Variants in FRMD6 observed in about 807,000 individuals in gnomAD.
FRMD6 encodes the protein FERM domain-containing protein 6.
A neutral mutation model predicts 73.2 loss-of-function variants in FRMD6; 37 were observed. The ratio of observed to expected loss-of-function variants is 0.51; its 90% CI spans 0.39 to 0.66. The LOEUF (loss-of-function observed/expected upper bound fraction) is 0.66. Among genes scored for constraint, FRMD6 ranks in the 30% least tolerant of loss-of-function variants. The pLI is 0.00. For missense variants in FRMD6, 714 were observed against 780.5 expected (o/e 0.91, Z 1.02); for synonymous variants, 273 against 282.2 (o/e 0.97, Z 0.33).
At chr14:51,449,887 G>A in the FRMD6 span, among the ~76,000 whole-genome samples, 2 of 152,200 alleles carry the variant, frequency 1.3e-5, no homozygotes, top group East Asian at 3.8e-4. Context: ...GATTTCCTCT[G>A]CCTAGAAATC....
At chr14:51,583,901 G>T (rs567142903) in intron 2 of FRMD6, among the ~76,000 whole-genome samples, 1 of 152,278 alleles carries the variant, frequency 6.6e-6, no homozygotes, top group African/African-American at 2.4e-5. Context: ...AGAAGCTGGG[G>T]TTTAGAAATG....
At chr14:51,711,662 GTCCTGCCA>G in intron 8 of FRMD6, 66 bp downstream of exon 8, 1 of 1,161,934 alleles carries the variant, frequency 8.6e-7, no homozygotes, top group Non-Finnish European at 1.3e-6. Flanking sequence ...TGCCTCTGTG[GTCCTGCCA>G]CAGGTTCAGT....
the FRMD6 span, among the ~76,000 whole-genome samples, chr14:51,455,606 G>A: frequency 1.3e-5 from 2 of 152,152 alleles, no homozygotes; most frequent in Non-Finnish European, 2.9e-5. Flanking sequence ...GTGATCTTGG[G>A]TGAGTCGCTT....
chr14:51,424,278 G>C, the FRMD6 span, among the ~76,000 whole-genome samples: 1 of 152,172 alleles, frequency 6.6e-6, no homozygotes, highest in Admixed American at 6.5e-5. Flanking sequence ...TTCATTGGAT[G>C]ACAGAACCTG....
At chr14:51,588,569 G>A (rs770874932) in intron 2 of FRMD6, among the ~76,000 whole-genome samples, 46 of 152,244 alleles carry the variant, frequency 3.0e-4, no homozygotes, top group Admixed American at 2.1e-3. Context: ...CCAAACAGGG[G>A]ACATGGTTCT....
At chr14:51,722,699 GCAGCAGT>G in intron 12 of FRMD6, among the ~76,000 whole-genome samples, 1 of 152,236 alleles carries the variant, frequency 6.6e-6, no homozygotes, top group East Asian at 1.9e-4. Flanking sequence ...TTAAAAAACG[GCAGCAGT>G]ATCAGTTTTG....
At chr14:51,714,506 A>G (rs1364484661) in intron 9 of FRMD6, 1 of 152,226 alleles carries the variant, frequency 6.6e-6, no homozygotes, top group East Asian at 1.9e-4. Context: ...TAGGAAAGTT[A>G]AAAGAGTTCA....
chr14:51,673,829 T>C (rs1157777367), intron 1 of FRMD6, among the ~76,000 whole-genome samples: 1 of 152,228 alleles, frequency 6.6e-6, no homozygotes, highest in Non-Finnish European at 1.5e-5. Flanking sequence ...AGTGGAAGTT[T>C]GTAGATTGTC....
chr14:51,405,049 C>T, the FRMD6 span, among the ~76,000 whole-genome samples: 15 of 152,246 alleles, frequency 9.9e-5, no homozygotes, highest in Admixed American at 7.8e-4. Context: ...TCCCTGCCTT[C>T]GTTTGCTAAG....
At chr14:51,596,537 G>A (rs1175394880) in intron 2 of FRMD6, among the ~76,000 whole-genome samples, 10 of 152,098 alleles carry the variant, frequency 6.6e-5, no homozygotes, top group Admixed American at 2.0e-4. Context: ...GTACTCCTTC[G>A]TAAGTTTACC....
At chr14:51,640,297 T>C (rs1197860376) in intron 2 of FRMD6, among the ~76,000 whole-genome samples, 1 of 152,260 alleles carries the variant, frequency 6.6e-6, no homozygotes, top group Non-Finnish European at 1.5e-5. Flanking sequence ...ATTTTGGGGC[T>C]TCAAATTAAA....
At chr14:51,416,328 G>A in the FRMD6 span, among the ~76,000 whole-genome samples, 1 of 152,176 alleles carries the variant, frequency 6.6e-6, no homozygotes, top group Non-Finnish European at 1.5e-5. Context: ...CTTTAAATGT[G>A]TACCAGAAAT....
At chr14:51,475,882 G>T in the FRMD6 span, among the ~76,000 whole-genome samples, 1 of 152,064 alleles carries the variant, frequency 6.6e-6, no homozygotes, top group Non-Finnish European at 1.5e-5. Flanking sequence ...GTCTACTAAC[G>T]TAATTGTCGA....
At chr14:51,613,250 C>G (rs1051334967) in intron 2 of FRMD6, among the ~76,000 whole-genome samples, 1 of 152,032 alleles carries the variant, frequency 6.6e-6, no homozygotes, top group African/African-American at 2.4e-5. Context: ...ATAATCTAGG[C>G]ATTGGTGACA....
intron 2 of FRMD6, among the ~76,000 whole-genome samples, chr14:51,604,379 T>G (rs986055645): frequency 1.3e-5 from 2 of 152,292 alleles, no homozygotes; most frequent in Admixed American, 1.3e-4. Flanking sequence ...GGAATGCTAC[T>G]TACTTGAACT....
the FRMD6 span, among the ~76,000 whole-genome samples, chr14:51,407,047 T>C: frequency 6.6e-6 from 1 of 152,144 alleles, no homozygotes; most frequent in African/African-American, 2.4e-5. Context: ...GATAGTTATA[T>C]TAACTGCAAT....
intron 1 of FRMD6, among the ~76,000 whole-genome samples, chr14:51,490,156 T>C (rs143621065): frequency 8.5e-5 from 13 of 152,280 alleles, no homozygotes; most frequent in African/African-American, 3.1e-4. Context: ...GCATGTGTGA[T>C]AGAAGGAAGT....
intron 10 of FRMD6, among the ~76,000 whole-genome samples, chr14:51,716,793 C>G (rs1405634666): frequency 1.3e-5 from 2 of 152,216 alleles, no homozygotes; most frequent in Non-Finnish European, 2.9e-5. Flanking sequence ...AAATATATCT[C>G]TCCTATGCTG....
At chr14:51,546,444 A>G (rs1248122531) in intron 1 of FRMD6, among the ~76,000 whole-genome samples, 5 of 128,768 alleles carry the variant, frequency 3.9e-5, no homozygotes, top group African/African-American at 1.5e-4. Context: ...CCTGAAGTTT[A>G]TTTTGATTGA....
Sources: allele counts gnomAD v4.1 joint callset (sites outside exome capture counted in the v4.1 genomes callset), GRCh38; gene constraint gnomAD v4.1.1; transcripts MANE v1.5; gene names NCBI Gene and HGNC (gene_info 2026-07-23, HGNC 2026-07-21).